The following EEF1G variants were observed in gnomAD, a reference collection of about 807,000 sequenced individuals.
EEF1G encodes the protein elongation factor 1-gamma.
EEF1G carries 14 observed loss-of-function variants against 58.3 expected under a neutral mutation model. That is an observed-to-expected ratio of 0.24 (90% confidence interval 0.16 to 0.38). The LOEUF is 0.38. Among genes scored for constraint, EEF1G ranks in the 10% least tolerant of loss-of-function variants. EEF1G has a pLI of 1.00. For synonymous variants in EEF1G, 180 were observed against 206.8 expected (o/e 0.87, Z 1.11); for missense variants, 322 against 550.1 (o/e 0.59, Z 4.15).
At position 62,568,337 on chromosome 11, in the gene EEF1G, G is replaced by A. The variant is rs186669624; in HGVS notation, c.523-809C>T. On this transcript the variant is annotated intron_variant, in intron 5 of 9. Transcript: ENST00000329251. ...CAGGAGGTGGAGGTTGCAGTGAACCGAGATCACGCCACTGCACTCCAGCTT... is the reference window on the plus strand; with the variant it reads ...CAGGAGGTGGAGGTTGCAGTGAACCAAGATCACGCCACTGCACTCCAGCTT... Among the ~76,000 whole-genome samples the A allele has an allele frequency of 6.3e-5, 9 of 143,320 alleles. No individual in the cohort carries two copies. In the East Asian group the frequency reaches 6.4e-4, roughly 10 times the overall value. 94.0% of individuals were successfully genotyped at this position (143,320 alleles called of 152,430 possible). A position where few individuals can be genotyped will look rare whatever the true frequency, so the allele number is the denominator to read the frequency against.
intron 7 of EEF1G, among the ~76,000 whole-genome samples, chr11:62,561,683 A>AAAAAAAAAAAAAC (rs1941497473): frequency 5.8e-4 from 4 of 6,926 alleles, no homozygotes; most frequent in East Asian, 5.6e-3. Flanking sequence ...AAAAAAAAAC[A>AAAAAAAAAAAAAC]AAAAAAAAAA....
intron 7 of EEF1G, among the ~76,000 whole-genome samples, chr11:62,563,759 T>C (rs1941525893): frequency 6.6e-6 from 1 of 152,162 alleles, no homozygotes; most frequent in Non-Finnish European, 1.5e-5. Flanking sequence ...TCCCCTCTCT[T>C]TACAGATGAG....
intron 1 of EEF1G, 133 bp downstream of exon 1, chr11:62,573,698 A>G: frequency 1.5e-6 from 2 of 1,300,268 alleles, no homozygotes; most frequent in Non-Finnish European, 2.2e-6. Context: ...CCTACTCTCC[A>G]GCAGTACAGT....
intron 7 of EEF1G, among the ~76,000 whole-genome samples, chr11:62,563,213 G>T (rs75704988): frequency 1.2e-4 from 18 of 151,796 alleles, no homozygotes; most frequent in African/African-American, 1.7e-4. Context: ...TGCAAGCTCC[G>T]CCTCCTGGGT....
intron 7 of EEF1G, among the ~76,000 whole-genome samples, chr11:62,561,682 C>CAAAAAAAAAAAAAAAAAAAAAA (rs58957254): frequency 8.0e-6 from 1 of 124,608 alleles, no homozygotes. Context: ...AAAAAAAAAA[C>CAAAAAAAAAAAAAAAAAAAAAA]AAAAAAAAAA....
At chr11:62,565,308 T>G (rs943845362) in intron 7 of EEF1G, among the ~76,000 whole-genome samples, 6 of 151,298 alleles carry the variant, frequency 4.0e-5, no homozygotes, top group African/African-American at 1.5e-4. Flanking sequence ...ATCGCTTGAG[T>G]ACAGGAGGTC....
chr11:62,573,852 G>T lies in EEF1G; in HGVS notation c.-10C>A. 1 of 1,613,688 alleles carries T rather than the reference G, an allele frequency of 6.2e-7. No homozygotes were observed. Among genetic ancestry groups the T allele is most frequent in the Non-Finnish European group, 8.5e-7 (1 of 1,179,846 alleles). ...TTACCCCAGCCGCCATGGTGATTCC[G>T]CAAAGAAAGGGGGTGGGGTTCTCGG... On this transcript the variant is annotated 5_prime_UTR_variant, in exon 1 of 10. Transcript: ENST00000329251.
chr11:62,569,101 A>ACACC (rs1555043680), intron 5 of EEF1G, among the ~76,000 whole-genome samples: 125 of 150,874 alleles, frequency 8.3e-4, no homozygotes, highest in Non-Finnish European at 1.5e-3. Flanking sequence ...ACACACACAC[A>ACACC]CCCCCCACAC....
intron 1 of EEF1G, chr11:62,573,510 G>A: frequency 1.0e-5 from 5 of 495,922 alleles, no homozygotes; most frequent in Non-Finnish European, 1.8e-5. Context: ...TCCACAAAAC[G>A]GACACAGAAG....
intron 1 of EEF1G, chr11:62,573,602 G>A (rs1941664773): frequency 4.7e-6 from 3 of 633,686 alleles, no homozygotes; most frequent in Admixed American, 2.9e-5. Flanking sequence ...GCCCAGACCC[G>A]GCATCTCTTT....
rs368811245 is a variant in EEF1G, at chr11:62,564,657, G to A, written c.857+2149C>T. Among the ~76,000 whole-genome samples, 54 of 150,654 alleles carry A rather than the reference G, an allele frequency of 3.6e-4. No homozygotes were observed. The South Asian group carries it at 0.011, about 32-fold the overall frequency. Reference sequence around the variant, plus strand: ...CGTGCCTGTAGTCCCAGCTACTCAAGAGGCTGAAGCAGAACTGCTTGAACC... The same window carrying A: ...CGTGCCTGTAGTCCCAGCTACTCAAAAGGCTGAAGCAGAACTGCTTGAACC... On this transcript the variant is annotated intron_variant, in intron 7 of 9. Transcript: ENST00000329251.
rs771158368 is a variant in EEF1G at position 62,559,857 on chromosome 11, A to C, written c.1156-20T>G. 1.5e-5 allele frequency: 24 copies of C among 1,613,852 alleles called. No homozygotes were observed. Among genetic ancestry groups the C allele is most frequent in the Middle Eastern group, 1.6e-4 (1 of 6,084 alleles). ...ACTCAGCTGGGGATAAAAAGCCAGC[A>C]TGTGGTCAAGTTATGAGACACCACC... is the stretch of plus-strand genomic sequence containing the variant. On this transcript the variant is annotated intron_variant, in intron 9 of 9. Coordinates refer to ENST00000329251, the MANE Select transcript of EEF1G (RefSeq NM_001404.5).
rs1941636742 is a variant in EEF1G, at chr11:62,571,901, C to T, written c.172G>A (p.Val58Ile). 1 of 1,575,444 alleles carries T rather than the reference C, an allele frequency of 6.3e-7. No individual in the cohort carries two copies. Reference sequence around the variant, plus strand: ...CCATCATCACCCTCAAATGCTGGGACCTGGGGACAAAGCAGTGAAAAGATA... The same window carrying T: ...CCATCATCACCCTCAAATGCTGGGATCTGGGGACAAAGCAGTGAAAAGATA... ...EFLRKFPAGK[V>I]PAFEGDDGFC... The change falls in exon 3 of 10, where the codon GTC becomes ATC. Residue 58 changes from valine to isoleucine, a missense_variant and splice_region_variant. Around this residue, in one of 3 missense-constraint regions of EEF1G, gnomAD observed 62 missense variants for 87.0 expected, o/e 0.71. Coordinates refer to ENST00000329251, the MANE Select transcript of EEF1G (RefSeq NM_001404.5).
chr11:62,570,092 G>A (rs919197577), intron 5 of EEF1G, among the ~76,000 whole-genome samples: 7 of 146,682 alleles, frequency 4.8e-5, no homozygotes, highest in African/African-American at 1.8e-4. Context: ...ATGGAGTCTC[G>A]CTCTTGTCCC....
intron 4 of EEF1G, 140 bp downstream of exon 4, chr11:62,571,400 C>T (rs1941629188): frequency 5.2e-6 from 7 of 1,350,616 alleles, no homozygotes; most frequent in African/African-American, 4.4e-5. Context: ...CTGCTTCAAA[C>T]TCGTACCCTA....
At chr11:62,561,671 CAAA>C (rs66756936) in intron 7 of EEF1G, among the ~76,000 whole-genome samples, 2 of 82,312 alleles carry the variant, frequency 2.4e-5, no homozygotes, top group Non-Finnish European at 4.4e-5. Flanking sequence ...AAAAAAAAAA[CAAA>C]AAAAAAACAA....
intron 7 of EEF1G, among the ~76,000 whole-genome samples, chr11:62,564,709 A>G (rs1941535526): frequency 7.2e-6 from 1 of 139,238 alleles, no homozygotes; most frequent in Non-Finnish European, 1.5e-5. Context: ...CAGTGAGCCA[A>G]GATTGCACCA....
At position 62,571,078 on chromosome 11, in the gene EEF1G, G is replaced by A. The variant is rs1941624246; in HGVS notation, c.409C>T (p.Arg137Ter). The change falls in exon 5 of 10, where the codon CGA (arginine) becomes TGA (stop). Residue 137 changes from arginine to a stop codon, truncating the protein, a stop_gained. Transcript: ENST00000329251. LOFTEE classifies it high-confidence loss of function. ...TAAGCATCCAGCAGCCCCAGAATTCGCCTCACTTCCTCCTTTGCATTCTCA... is the reference window on the plus strand; with the variant it reads ...TAAGCATCCAGCAGCCCCAGAATTCACCTCACTTCCTCCTTTGCATTCTCA... ...ATENAKEEVR[R>*]ILGLLDAYLK... 6.2e-7 allele frequency: 1 copy of A among 1,613,748 alleles called. No individual in the cohort carries two copies. Among genetic ancestry groups the A allele is most frequent in the Non-Finnish European group, 8.5e-7 (1 of 1,179,866 alleles).
At chr11:62,564,758 CAAAAAA>C (rs34663205) in intron 7 of EEF1G, among the ~76,000 whole-genome samples, 4 of 75,052 alleles carry the variant, frequency 5.3e-5, no homozygotes, top group Admixed American at 1.7e-4. Flanking sequence ...GACTCCATCT[CAAAAAA>C]AAAAAAAAAA....
Sources: allele counts gnomAD v4.1 joint callset (sites outside exome capture counted in the v4.1 genomes callset), GRCh38; gene constraint gnomAD v4.1.1; regional missense constraint gnomAD v4.1.1; transcripts MANE v1.5; gene names NCBI Gene and HGNC (gene_info 2026-07-23, HGNC 2026-07-21).